Variants in PHLPP1 observed in about 807,000 individuals in gnomAD.
PHLPP1 encodes PH domain leucine-rich repeat-containing protein phosphatase 1.
Under a neutral mutation model 117.2 loss-of-function variants are expected in PHLPP1, and 42 were observed. The observed-to-expected ratio is 0.36, with a 90% CI of 0.28 to 0.46. The LOEUF is 0.46. Ranked by LOEUF, PHLPP1 falls within the 20% of genes least tolerant of loss-of-function variation. PHLPP1 has a pLI of 1.00. For synonymous variants in PHLPP1, 1,042 were observed against 970.7 expected (o/e 1.07, Z -1.37); for missense variants, 2,084 against 2,241.9 (o/e 0.93, Z 1.42).
intron 3 of PHLPP1, among the ~76,000 whole-genome samples, chr18:62,850,205 T>A (rs1471409760): frequency 6.6e-6 from 1 of 151,306 alleles, no homozygotes; most frequent in Non-Finnish European, 1.5e-5. Context: ...CTGGCCAACA[T>A]GGTGAAACCC....
chr18:62,791,333 A>G (rs1045588554), intron 1 of PHLPP1, among the ~76,000 whole-genome samples: 2 of 152,170 alleles, frequency 1.3e-5, no homozygotes, highest in Non-Finnish European at 2.9e-5. Context: ...AGCACTGTGT[A>G]GCCACATGTT....
chr18:62,746,183 C>G (rs1911667832), intron 1 of PHLPP1, among the ~76,000 whole-genome samples: 2 of 152,072 alleles, frequency 1.3e-5, no homozygotes, highest in Admixed American at 1.3e-4. Flanking sequence ...GTAGCTGAGA[C>G]TATAGGCATG....
intron 4 of PHLPP1, among the ~76,000 whole-genome samples, chr18:62,874,035 T>A (rs1915973656): frequency 6.7e-6 from 1 of 150,054 alleles, no homozygotes; most frequent in Admixed American, 6.7e-5. Flanking sequence ...ATACAAAAAT[T>A]AGCTGGGCCG....
At chr18:62,958,023 A>C (rs993805756) in intron 12 of PHLPP1, among the ~76,000 whole-genome samples, 3 of 151,862 alleles carry the variant, frequency 2.0e-5, no homozygotes, top group African/African-American at 7.3e-5. Context: ...ACCGTATTCA[A>C]GTGATTCTCA....
At chr18:62,785,228 CAGTAG>C (rs1027831408) in intron 1 of PHLPP1, among the ~76,000 whole-genome samples, 2 of 152,156 alleles carry the variant, frequency 1.3e-5, no homozygotes, top group Non-Finnish European at 2.9e-5. Context: ...ATGTCACAGT[CAGTAG>C]ATAAAGAGCC....
rs1297048284 is a variant in PHLPP1, at chr18:62,860,450, A to C, written c.1915A>C (p.Ile639Leu). 6.2e-7 allele frequency: 1 copy of C among 1,613,938 alleles called. No homozygotes were observed. Among genetic ancestry groups the C allele is most frequent in the South Asian group, 1.1e-5 (1 of 91,072 alleles). Residue 639 changes from isoleucine to leucine, a missense_variant, in exon 4 of 17, where the codon ATT becomes CTT. By Grantham distance (5) the Ile-to-Leu change is conservative. Around this residue, in one of 2 missense-constraint regions of PHLPP1, gnomAD observed 1,365 missense variants for 1,605.9 expected, o/e 0.85. Coordinates refer to ENST00000262719, the MANE Select transcript of PHLPP1 (RefSeq NM_194449.4). Reference sequence around the variant, plus strand: ...CCCCCTTTAGGTTGCATCCCAGCGCATTAGCTCAGTGGACCTCTCGTGTTG... The same window carrying C: ...CCCCCTTTAGGTTGCATCCCAGCGCCTTAGCTCAGTGGACCTCTCGTGTTG... ...RQVSKVASQR[I>L]SSVDLSCCSL... is the part of the protein sequence containing the mutation.
intron 1 of PHLPP1, among the ~76,000 whole-genome samples, chr18:62,810,162 C>T (rs1195153623): frequency 6.6e-6 from 1 of 152,190 alleles, no homozygotes; most frequent in Admixed American, 6.5e-5. Context: ...TGCCCTACTA[C>T]AGACAAAAAT....
chr18:62,827,577 G>T (rs988397330), intron 1 of PHLPP1, among the ~76,000 whole-genome samples: 2 of 152,160 alleles, frequency 1.3e-5, no homozygotes, highest in Non-Finnish European at 2.9e-5. Flanking sequence ...GTCTGATCTG[G>T]TACACCCAGG....
intron 10 of PHLPP1, among the ~76,000 whole-genome samples, chr18:62,926,064 G>A (rs980429244): frequency 6.6e-6 from 1 of 152,212 alleles, no homozygotes; most frequent in Non-Finnish European, 1.5e-5. Flanking sequence ...GCTTTTTAAA[G>A]TGTTGTGTTC....
chr18:62,966,973 A>G (rs1910923457), intron 14 of PHLPP1, among the ~76,000 whole-genome samples: 1 of 152,172 alleles, frequency 6.6e-6, no homozygotes. Flanking sequence ...ATTATATAGT[A>G]TATGGCCTTC....
Position 62,975,583 on chromosome 18 carries a change from AGAG to A in PHLPP1, c.3943_3945del (p.Glu1315del). 6.2e-7 allele frequency: 1 copy of A among 1,613,926 alleles called. No homozygotes were observed. Among genetic ancestry groups the A allele is most frequent in the South Asian group, 1.1e-5 (1 of 91,084 alleles). On this transcript the variant is annotated inframe_deletion, in exon 16 of 17. Coordinates refer to ENST00000262719, the MANE Select transcript of PHLPP1 (RefSeq NM_194449.4). ...GATCTTACATCATGAGCTGTGAAGA[AGAG>A]CTGAAGAGGATTAAACAGCACAAGG...
At chr18:62,962,384 C>T (rs138364966) in intron 13 of PHLPP1, among the ~76,000 whole-genome samples, 1,799 of 152,168 alleles carry the variant, frequency 0.012, 20 homozygotes, top group Middle Eastern at 0.031. Flanking sequence ...CTTGGCTCAC[C>T]GCAACCTCCA....
At chr18:62,749,917 G>A (rs1488635221) in intron 1 of PHLPP1, among the ~76,000 whole-genome samples, 2 of 152,210 alleles carry the variant, frequency 1.3e-5, no homozygotes, top group Non-Finnish European at 2.9e-5. Flanking sequence ...TCAGGAGGCT[G>A]AGACGGGAGA....
At chr18:62,832,531 C>T (rs529804947) in intron 2 of PHLPP1, among the ~76,000 whole-genome samples, 4 of 152,264 alleles carry the variant, frequency 2.6e-5, no homozygotes, top group African/African-American at 9.6e-5. Context: ...TGTCCTGTTT[C>T]CCAGGTCTGT....
At chr18:62,890,687 C>T (rs916593234) in intron 4 of PHLPP1, among the ~76,000 whole-genome samples, 2 of 152,166 alleles carry the variant, frequency 1.3e-5, no homozygotes, top group South Asian at 2.1e-4. Flanking sequence ...TAAACACCAC[C>T]GCCCCGCCAC....
intron 1 of PHLPP1, among the ~76,000 whole-genome samples, chr18:62,720,284 G>C (rs562528239): frequency 6.6e-6 from 1 of 152,204 alleles, no homozygotes; most frequent in African/African-American, 2.4e-5. Context: ...ATGTAGGGCA[G>C]CATTAAACTA....
intron 1 of PHLPP1, among the ~76,000 whole-genome samples, chr18:62,806,376 A>C (rs1913952395): frequency 6.6e-6 from 1 of 152,170 alleles, no homozygotes; most frequent in African/African-American, 2.4e-5. Context: ...ATTTATTTCT[A>C]GTGATTTATG....
chr18:62,914,888 A>G, intron 8 of PHLPP1, 25 bp from the exon 9 acceptor site: 1 of 1,553,484 alleles, frequency 6.4e-7, no homozygotes, highest in Non-Finnish European at 8.9e-7. Flanking sequence ...AATTCAACCA[A>G]TTACTTTTAT....
chr18:62,922,979 A>G (rs1003173158), intron 10 of PHLPP1, among the ~76,000 whole-genome samples: 1 of 152,162 alleles, frequency 6.6e-6, no homozygotes, highest in African/African-American at 2.4e-5. Flanking sequence ...TATTTGTGCA[A>G]TTCCCAAACG....
Sources: gnomAD v4.1 joint callset for allele counts (sites outside exome capture counted in the v4.1 genomes callset) on GRCh38, gnomAD v4.1.1 for gene constraint, gnomAD v4.1.1 regional missense constraint, MANE v1.5 for transcripts, NCBI Gene and HGNC (gene_info 2026-07-23, HGNC 2026-07-21) for gene names.